The following GDF5 variants were observed in gnomAD, a reference collection of about 807,000 sequenced individuals.
The protein encoded by GDF5 is growth differentiation factor 5, also known as growth/differentiation factor 5.
Under a neutral mutation model 34.6 loss-of-function variants are expected in GDF5, and 17 were observed. The ratio of observed to expected loss-of-function variants is 0.49; its 90% CI spans 0.34 to 0.74. The LOEUF (loss-of-function observed/expected upper bound fraction) is 0.74. Among genes scored for constraint, GDF5 ranks in the 30% least tolerant of loss-of-function variants. GDF5 has a pLI of 0.01. For synonymous variants in GDF5, 332 were observed against 290.7 expected, an observed-to-expected ratio of 1.14 and a Z score of -1.44; for missense variants, 616 against 661.2, an observed-to-expected ratio of 0.93 and a Z score of 0.75.
upstream of GDF5, among the ~76,000 whole-genome samples, chr20:35,442,248 G>A (rs2062500226): frequency 6.6e-6 from 1 of 151,940 alleles, no homozygotes; most frequent in Non-Finnish European, 1.5e-5. Flanking sequence ...CTGGGTTCAA[G>A]GGGTTTTCCT....
At chr20:35,444,589 T>A (rs1178897106) in intron 1 of GDF5, among the ~76,000 whole-genome samples, 1 of 152,082 alleles carries the variant, frequency 6.6e-6, no homozygotes, top group Non-Finnish European at 1.5e-5. Flanking sequence ...CTGGATTTTC[T>A]TTTCTTTTTC....
At position 35,433,981 on chromosome 20, in the gene GDF5, G is replaced by A; in HGVS notation, c.1434C>T (p.Phe478=). ...PTRLSPISIL[F]IDSANNVVYK... ...ACACCACGTTGTTGGCAGAGTCAAT[G>A]AAGAGGATGCTGATGGGACTCAGCC... The change falls in exon 2 of 2, where the codon TTC becomes TTT. Residue 478 remains phenylalanine (F), a synonymous_variant. Coordinates refer to ENST00000374369, the MANE Select transcript of GDF5 (RefSeq NM_000557.5). The A allele has an allele frequency of 6.2e-7, 1 of 1,613,958 alleles. No homozygotes were observed. The highest frequency in any genetic ancestry group is 8.5e-7 in the Non-Finnish European group (1 of 1,179,826).
rs767477220 is a variant in GDF5 at position 35,437,632 on chromosome 20, G to A, written c.297C>T (p.Pro99=). 12 of 1,614,050 alleles carry A rather than the reference G, an allele frequency of 7.4e-6. No individual in the cohort carries two copies. The highest frequency in any genetic ancestry group is 1.3e-5 in the African/African-American group (1 of 75,022). Residue 99 remains proline, a synonymous_variant, in exon 1 of 2, where the codon CCC becomes CCT. Transcript: ENST00000374369. ...GCTTGGGTTCAGGGCCGCCCGGTCT[G>A]GGGGGCAGCTTTTTGGGTTCATCCT... is the stretch of plus-strand genomic sequence containing the variant. ...PKKDEPKKLP[P]RPGGPEPKPG...
At chr20:35,443,504 T>TATC (rs2062504748) in intron 1 of GDF5, among the ~76,000 whole-genome samples, 1 of 149,646 alleles carries the variant, frequency 6.7e-6, no homozygotes, top group Non-Finnish European at 1.5e-5. Flanking sequence ...TTGGCCAGAT[T>TATC]ATTATTATTA....
At chr20:35,435,173 G>T in intron 1 of GDF5, 1 of 483,688 alleles carries the variant, frequency 2.1e-6, no homozygotes, top group East Asian at 3.6e-5. Context: ...CCTGTTGACT[G>T]GGCACAGTGG....
intron 1 of GDF5, among the ~76,000 whole-genome samples, chr20:35,443,792 G>A (rs1217581882): frequency 5.9e-5 from 9 of 152,104 alleles, no homozygotes; most frequent in Admixed American, 2.0e-4. Flanking sequence ...GATTACAGGC[G>A]TGAGCCACTG....
At chr20:35,438,885 C>CTG (rs147124287), upstream of GDF5, among the ~76,000 whole-genome samples, 5 of 121,888 alleles carry the variant, frequency 4.1e-5, no homozygotes, top group African/African-American at 8.7e-5. Flanking sequence ...GTGTGTGTGC[C>CTG]TGTGTGTGTG....
intron 1 of GDF5, chr20:35,453,941 G>C (rs1377748375): frequency 1.9e-6 from 1 of 534,472 alleles, no homozygotes; most frequent in Non-Finnish European, 3.8e-6. Context: ...CTCATGCAGC[G>C]CTTCCTAAAA....
intron 1 of GDF5, among the ~76,000 whole-genome samples, chr20:35,448,265 T>C (rs2062519811): frequency 6.6e-6 from 1 of 151,872 alleles, no homozygotes. Flanking sequence ...AGCTGGTAAG[T>C]ACTGTTATCC....
At chr20:35,451,048 A>ATAT (rs1403286330) in intron 1 of GDF5, among the ~76,000 whole-genome samples, 1 of 4,624 alleles carries the variant, frequency 2.2e-4, no homozygotes, top group East Asian at 1.1e-3. Context: ...AACAGAAAAA[A>ATAT]AAAAAAAAAA....
upstream of GDF5, among the ~76,000 whole-genome samples, chr20:35,439,087 A>G (rs372372836): frequency 4.6e-5 from 7 of 151,828 alleles, no homozygotes; most frequent in East Asian, 3.9e-4. Context: ...GTCGCCCTTA[A>G]GTTCACTCCT....
chr20:35,438,468 C>T (rs2146584290), upstream of GDF5, among the ~76,000 whole-genome samples: 1 of 152,016 alleles, frequency 6.6e-6, no homozygotes, highest in Admixed American at 6.6e-5. Context: ...CCAACCCAAA[C>T]CAATTTAATT....
intron 1 of GDF5, among the ~76,000 whole-genome samples, chr20:35,436,618 C>G (rs2062473827): frequency 6.6e-6 from 1 of 152,172 alleles, no homozygotes; most frequent in Admixed American, 6.6e-5. Context: ...GAGAATGAGG[C>G]ATGTTCAGGA....
rs184828422 is a variant in GDF5 at position 35,453,841 on chromosome 20, C to T, written c.-398+799G>A. On this transcript the variant is annotated intron_variant, in intron 1 of 3. Transcript: ENST00000374372. The stretch of plus-strand genomic sequence containing the variant: ...TCCACTCATTCACCCATTCACTCAG[C>T]ACTTATTGAGCACCTATTTTGTACC... The T allele has an allele frequency of 4.1e-5, 21 of 517,170 alleles. No homozygotes were observed. In the East Asian group the frequency reaches 1.0e-3, roughly 26 times the overall value. The allele number at this position is 517,170 out of a possible 1,614,324, so 32.0% of individuals were successfully genotyped here. A position where few individuals can be genotyped will look rare whatever the true frequency, so the allele number is the denominator to read the frequency against.
intron 1 of GDF5, among the ~76,000 whole-genome samples, chr20:35,453,424 T>G (rs369912822): frequency 1.1e-4 from 17 of 152,302 alleles, no homozygotes; most frequent in African/African-American, 3.8e-4. Context: ...GCATAGTGTA[T>G]GCAAACGCCC....
intron 1 of GDF5, among the ~76,000 whole-genome samples, chr20:35,449,106 T>A (rs922018527): frequency 1.3e-5 from 2 of 151,886 alleles, no homozygotes; most frequent in Non-Finnish European, 2.9e-5. Flanking sequence ...CTGCTTGGAA[T>A]CCCCGCCACC....
intron 1 of GDF5, chr20:35,453,853 A>G (rs2062549056): frequency 1.9e-6 from 1 of 524,822 alleles, no homozygotes; most frequent in African/African-American, 1.9e-5. Flanking sequence ...CTTATTGAGC[A>G]CCTATTTTGT....
chr20:35,452,491 C>T (rs775182524), intron 1 of GDF5, among the ~76,000 whole-genome samples: 15 of 152,344 alleles, frequency 9.8e-5, no homozygotes, highest in Admixed American at 4.6e-4. Context: ...GGTGCAATCT[C>T]GGCTCACCGC....
At chr20:35,451,635 G>A (rs563238285) in intron 1 of GDF5, among the ~76,000 whole-genome samples, 12 of 148,184 alleles carry the variant, frequency 8.1e-5, no homozygotes, top group African/African-American at 2.8e-4. Context: ...AGGCTAGAGT[G>A]CAGTAGGGCC....
Sources: gnomAD v4.1 joint callset for allele counts (sites outside exome capture counted in the v4.1 genomes callset) on GRCh38, gnomAD v4.1.1 for gene constraint, MANE v1.5 for transcripts, NCBI Gene and HGNC (gene_info 2026-07-23, HGNC 2026-07-21) for gene names.